Variants in HRK observed in about 807,000 individuals in gnomAD.
The protein encoded by HRK is harakiri, BCL2 interacting protein.
In HRK, 6 loss-of-function variants were observed where a neutral mutation model predicts 5.9. The observed-to-expected ratio is 1.02, with a 90% confidence interval of 0.56 to 2.01. The LOEUF (loss-of-function observed/expected upper bound fraction) is 2.01, where lower values mean the gene tolerates loss of function less well. Among genes scored for constraint, HRK ranks in the 30% most tolerant of loss-of-function variants. The pLI is 0.00. For missense variants in HRK, 133 were observed against 128.3 expected (o/e 1.04, Z -0.18); for synonymous variants, 85 against 65.1 (o/e 1.31, Z -1.47).
chr12:116,874,367 T>C (rs752550996), intron 1 of HRK, among the ~76,000 whole-genome samples: 13 of 152,168 alleles, frequency 8.5e-5, no homozygotes, highest in Admixed American at 2.6e-4. Context: ...CTTTCTGTCA[T>C]TCAAGTCCAC....
At chr12:116,864,629 A>G (rs1374085525) in intron 1 of HRK, among the ~76,000 whole-genome samples, 1 of 152,118 alleles carries the variant, frequency 6.6e-6, no homozygotes, top group Non-Finnish European at 1.5e-5. Context: ...TGGCACAAAC[A>G]GGGAAGCGTG....
intron 1 of HRK, among the ~76,000 whole-genome samples, chr12:116,866,358 G>T (rs535911677): frequency 1.5e-4 from 22 of 142,390 alleles, no homozygotes; most frequent in African/African-American, 5.8e-4. Context: ...GGAGTTTGAG[G>T]CCAACCTGGA....
At position 116,881,148 on chromosome 12, in the gene HRK, C is replaced by A; in HGVS notation, c.160G>T (p.Ala54Ser). 3 of 1,185,642 alleles carry A rather than the reference C, an allele frequency of 2.5e-6. No individual in the cohort carries two copies. The highest frequency in any genetic ancestry group is 3.1e-6 in the Non-Finnish European group (3 of 959,938). 73.4% of individuals were successfully genotyped at this position (1,185,642 alleles called of 1,614,324 possible). A position where few individuals can be genotyped will look rare whatever the true frequency, so the allele number is the denominator to read the frequency against. The change falls in exon 1 of 2, where the codon GCG becomes TCG. Residue 54 changes from alanine to serine, a missense_variant. Physicochemically the swap from Ala to Ser is moderately conservative, Grantham distance 99. Transcript: ENST00000257572. Reference protein sequence around the residue: ...LHQRTMWRRRARSRRAPAPGA... With the variant: ...LHQRTMWRRRSRSRRAPAPGA... ...GGCGCCGGCGCCCTCCGGCTCCGCG[C>A]GCGGCGCCGCCACATGGTGCGCTGG...
chr12:116,863,013 C>T (rs574317601), intron 1 of HRK, among the ~76,000 whole-genome samples: 33 of 152,312 alleles, frequency 2.2e-4, no homozygotes, highest in Admixed American at 2.0e-3. Flanking sequence ...GCTGTGATTA[C>T]AGGCATGAGC....
rs185034851 is a variant in HRK, at chr12:116,866,905, C to G, written c.*57-5439G>C. Among the ~76,000 whole-genome samples, 920 of 152,250 alleles carry G rather than the reference C, an allele frequency of 6.0e-3. 11 individuals are homozygous for G. The highest frequency in any genetic ancestry group is 0.021 in the African/African-American group (889 of 41,558). On this transcript the variant is annotated intron_variant, in intron 1 of 1. Transcript: ENST00000257572. ...GCCTGTAAGATAATGTTGCCCATGT[C>G]CCATGTCCCACATGTTATACTATGC...
In HRK at chr12:116,860,856, C is replaced by T. The variant is rs1054296932; in HGVS notation, c.*667G>A. On this transcript the variant is annotated 3_prime_UTR_variant, in exon 2 of 2. Transcript: ENST00000257572. ...AATTTTAAGTGAAGCACCAGAGACACAAAAATCCCATTTCTCTTGACGTGA... is the reference window on the plus strand; with the variant it reads ...AATTTTAAGTGAAGCACCAGAGACATAAAAATCCCATTTCTCTTGACGTGA... The T allele has an allele frequency of 1.6e-4, 24 of 152,284 alleles. No homozygotes were observed. The highest frequency in any genetic ancestry group is 5.6e-4 in the African/African-American group (23 of 41,426). 9.4% of individuals were successfully genotyped at this position (152,284 alleles called of 1,614,324 possible). A position where few individuals can be genotyped will look rare whatever the true frequency, so the allele number is the denominator to read the frequency against.
At chr12:116,868,176 G>A (rs922509048) in intron 1 of HRK, among the ~76,000 whole-genome samples, 6 of 150,896 alleles carry the variant, frequency 4.0e-5, no homozygotes, top group Non-Finnish European at 8.8e-5. Flanking sequence ...GGCTGGTCTC[G>A]AACTGCTGGG....
chr12:116,864,961 C>T (rs1878486214), intron 1 of HRK, among the ~76,000 whole-genome samples: 1 of 152,154 alleles, frequency 6.6e-6, no homozygotes, highest in Non-Finnish European at 1.5e-5. Context: ...AGCCAAAACT[C>T]GTGGCTGAAG....
At chr12:116,871,612 A>T (rs1878753648) in intron 1 of HRK, among the ~76,000 whole-genome samples, 1 of 150,376 alleles carries the variant, frequency 6.6e-6, no homozygotes, top group Non-Finnish European at 1.5e-5. Context: ...CCAAAAAAAA[A>T]AAAAAAAGTA....
At chr12:116,873,335 G>C (rs562969594) in intron 1 of HRK, among the ~76,000 whole-genome samples, 62 of 151,724 alleles carry the variant, frequency 4.1e-4, no homozygotes, top group Non-Finnish European at 6.3e-4. Flanking sequence ...CCAAATAGTT[G>C]CCAATGAACT....
rs1879001108 is a variant in HRK at position 116,878,054 on chromosome 12, T to C, written c.*56+2922A>G. Among the ~76,000 whole-genome samples the C allele has an allele frequency of 6.6e-6, 1 of 152,174 alleles. No homozygotes were observed. The highest frequency in any genetic ancestry group is 2.4e-5 in the African/African-American group (1 of 41,442). ...CCTCAGCCTCCCGAGTAGCTGGGAT[T>C]ACAGGTGTGCACCACCACGCTCAGC... On this transcript the variant is annotated intron_variant, in intron 1 of 1. Coordinates refer to ENST00000257572, the MANE Select transcript of HRK (RefSeq NM_003806.4). This position sits in a 1 kb window ranked among gnomAD's most constrained non-coding sequence, Gnocchi z 4.4.
chr12:116,864,308 G>A (rs1878462552), intron 1 of HRK, among the ~76,000 whole-genome samples: 1 of 152,188 alleles, frequency 6.6e-6, no homozygotes, highest in Admixed American at 6.5e-5. Context: ...TTATGCTATT[G>A]AGTGTGTGGA....
Position 116,881,347 on chromosome 12 carries a change from C to A in HRK, c.-40G>T. The A allele has an allele frequency of 9.4e-7, 1 of 1,058,970 alleles. No homozygotes were observed. Among genetic ancestry groups the A allele is most frequent in the South Asian group, 4.4e-5 (1 of 22,540 alleles). 65.6% of individuals were successfully genotyped at this position (1,058,970 alleles called of 1,614,324 possible). A position where few individuals can be genotyped will look rare whatever the true frequency, so the allele number is the denominator to read the frequency against. ...CTCCCGCCCCGCGCTCGGGCCGCCC[C>A]TCGCCTCCTCTCCCTCCGGCCTCTG... On this transcript the variant is annotated 5_prime_UTR_variant, in exon 1 of 2. In the 5' UTR this introduces an upstream ATG that the reference lacks. Coordinates refer to ENST00000257572, the MANE Select transcript of HRK (RefSeq NM_003806.4).
At chr12:116,876,144 G>A (rs1279693873) in intron 1 of HRK, among the ~76,000 whole-genome samples, 1 of 152,126 alleles carries the variant, frequency 6.6e-6, no homozygotes, top group Non-Finnish European at 1.5e-5. Flanking sequence ...TCCATCCACA[G>A]CTCAGTCACT....
At chr12:116,876,313 A>T (rs2137253719) in intron 1 of HRK, among the ~76,000 whole-genome samples, 1 of 152,308 alleles carries the variant, frequency 6.6e-6, no homozygotes, top group African/African-American at 2.4e-5. Flanking sequence ...CAAGCTTTCA[A>T]GCTCTAAAAG....
intron 1 of HRK, among the ~76,000 whole-genome samples, chr12:116,867,364 G>A (rs1878584429): frequency 1.3e-5 from 2 of 151,568 alleles, no homozygotes; most frequent in Admixed American, 6.6e-5. Flanking sequence ...GGCTGGTCTC[G>A]AACTCCTGAC....
chr12:116,877,826 C>G (rs1271842323), intron 1 of HRK, among the ~76,000 whole-genome samples: 1 of 152,140 alleles, frequency 6.6e-6, no homozygotes, highest in African/African-American at 2.4e-5. Context: ...TAAAGGATGA[C>G]TTCTGAGAAA....
At chr12:116,876,848 C>T (rs904148849) in intron 1 of HRK, 1 of 152,380 alleles carries the variant, frequency 6.6e-6, no homozygotes, top group Non-Finnish European at 1.5e-5. Context: ...TGTGCACCAA[C>T]CCGGTCTGCT....
In HRK at chr12:116,859,692, C is replaced by G. The variant is rs1878289328; in HGVS notation, c.*1831G>C. The G allele has an allele frequency of 6.6e-6, 1 of 151,294 alleles. No homozygotes were observed. The highest frequency in any genetic ancestry group is 1.5e-5 in the Non-Finnish European group (1 of 67,870). 9.4% of individuals were successfully genotyped at this position (151,294 alleles called of 1,614,324 possible). On this transcript the variant is annotated 3_prime_UTR_variant, in exon 2 of 2. Coordinates refer to ENST00000257572, the MANE Select transcript of HRK (RefSeq NM_003806.4). ...AAGCTGCGGGGTGGGGGAGTCTTCC[C>G]TGGCATTCAGCAGCCCTGGGGTTGC...
Sources: gnomAD v4.1 joint callset for allele counts (sites outside exome capture counted in the v4.1 genomes callset) on GRCh38, gnomAD v4.1.1 for gene constraint, Gnocchi (gnomAD v3.1) non-coding constraint, MANE v1.5 for transcripts, NCBI Gene and HGNC (gene_info 2026-07-23, HGNC 2026-07-21) for gene names.